The following KCNMA1 variants were observed in gnomAD, a reference collection of about 807,000 sequenced individuals.
KCNMA1 encodes the protein Calcium-activated potassium channel subunit alpha-1.
A neutral mutation model predicts 140.0 loss-of-function variants in KCNMA1; 29 were observed. The ratio of observed to expected loss-of-function variants is 0.21; its 90% confidence interval spans 0.15 to 0.28. KCNMA1 has a LOEUF of 0.28. Among genes scored for constraint, KCNMA1 ranks in the 10% least tolerant of loss-of-function variants. The pLI, the probability that KCNMA1 is intolerant of heterozygous loss-of-function variation, is 1.00. For synonymous variants in KCNMA1, 612 were observed against 611.9 expected (o/e 1.00, Z 0.00); for missense variants, 880 against 1,602.2 (o/e 0.55, Z 7.70).
chr10:77,135,744 C>T (rs183418825), intron 5 of KCNMA1, among the ~76,000 whole-genome samples: 20 of 152,236 alleles, frequency 1.3e-4, no homozygotes, highest in African/African-American at 4.3e-4. Context: ...CACAGAATGA[C>T]AAACATCACG....
At chr10:77,513,361 G>A (rs1407875775) in intron 1 of KCNMA1, among the ~76,000 whole-genome samples, 2 of 152,250 alleles carry the variant, frequency 1.3e-5, no homozygotes, top group East Asian at 1.9e-4. Context: ...ATCATCTCAC[G>A]CTATTGTCTT....
chr10:77,251,355 T>C lies in KCNMA1; in HGVS notation c.541-99A>G, dbSNP rs560918099. 1.4e-5 allele frequency: 12 copies of C among 886,158 alleles called. 1 individual carries two copies. Among genetic ancestry groups the C allele is most frequent in the South Asian group, 9.7e-5 (7 of 71,832 alleles). The allele number at this position is 886,158 out of a possible 1,614,324, so 54.9% of individuals were successfully genotyped here. On this transcript the variant is annotated intron_variant, in intron 2 of 27. Transcript: ENST00000286628. Reference sequence around the variant, plus strand: ...AAGCAGCTTTGAAATACGGTGCCCATTGCCCTTGGGGACCTGCTTGGAAAT... The same window carrying C: ...AAGCAGCTTTGAAATACGGTGCCCACTGCCCTTGGGGACCTGCTTGGAAAT...
intron 2 of KCNMA1, among the ~76,000 whole-genome samples, chr10:77,264,703 TGAG>T (rs1186548534): frequency 6.6e-6 from 1 of 152,180 alleles, no homozygotes; most frequent in Non-Finnish European, 1.5e-5. Flanking sequence ...AATTTATATG[TGAG>T]GAGAACCTTC....
chr10:77,300,673 C>T (rs78858560), intron 2 of KCNMA1, among the ~76,000 whole-genome samples: 132 of 152,236 alleles, frequency 8.7e-4, no homozygotes, highest in Admixed American at 3.2e-3. Context: ...TTTTAATTAC[C>T]ATTTCATGCA....
intron 5 of KCNMA1, among the ~76,000 whole-genome samples, chr10:77,154,561 A>G (rs2098461281): frequency 6.6e-6 from 1 of 152,190 alleles, no homozygotes; most frequent in Non-Finnish European, 1.5e-5. Flanking sequence ...CTTAGTGAGT[A>G]TCTATATCCA....
chr10:77,630,507 C>T (rs1238764540), intron 1 of KCNMA1, among the ~76,000 whole-genome samples: 3 of 152,132 alleles, frequency 2.0e-5, no homozygotes, highest in Non-Finnish European at 4.4e-5. Flanking sequence ...GAGCCCAGCC[C>T]GAACCACAGC....
At chr10:76,964,598 T>C (rs1371512809) in intron 20 of KCNMA1, among the ~76,000 whole-genome samples, 2 of 152,188 alleles carry the variant, frequency 1.3e-5, no homozygotes, top group African/African-American at 4.8e-5. Flanking sequence ...TTAGCTAAGC[T>C]GTCCCTGCCT....
At chr10:77,441,925 C>G (rs535243474) in intron 1 of KCNMA1, among the ~76,000 whole-genome samples, 2 of 152,224 alleles carry the variant, frequency 1.3e-5, no homozygotes, top group Admixed American at 1.3e-4. Context: ...TCCCTCCCTC[C>G]AGGCCATTGT....
chr10:77,509,830 T>G (rs1239347013), intron 1 of KCNMA1, among the ~76,000 whole-genome samples: 2 of 152,184 alleles, frequency 1.3e-5, no homozygotes, highest in Non-Finnish European at 2.9e-5. Context: ...GTTATCCACT[T>G]TACTCCTCAA....
downstream of KCNMA1, among the ~76,000 whole-genome samples, chr10:76,883,266 G>T (rs1230138361): frequency 1.3e-5 from 2 of 152,150 alleles, no homozygotes; most frequent in East Asian, 3.8e-4. Context: ...AAGAGGACAA[G>T]GGTAATATAG....
At chr10:77,495,537 G>A (rs2041588974) in intron 1 of KCNMA1, among the ~76,000 whole-genome samples, 1 of 152,198 alleles carries the variant, frequency 6.6e-6, no homozygotes, top group Non-Finnish European at 1.5e-5. Context: ...CGGCCAATGA[G>A]TGCCGTGATT....
chr10:77,079,606 A>AGT, intron 12 of KCNMA1, 56 bp from the exon 13 acceptor site: 1 of 1,212,596 alleles, frequency 8.2e-7, no homozygotes, highest in East Asian at 2.3e-5. Flanking sequence ...GGTGTCTGAC[A>AGT]AAAAGATCAA....
intron 2 of KCNMA1, among the ~76,000 whole-genome samples, chr10:77,261,130 C>T (rs548692845): frequency 1.3e-5 from 2 of 152,172 alleles, no homozygotes; most frequent in South Asian, 4.2e-4. Context: ...TTGTCTCTGT[C>T]CATTTTCAAA....
chr10:77,384,232 G>A (rs1180636852), intron 2 of KCNMA1, among the ~76,000 whole-genome samples: 1 of 152,224 alleles, frequency 6.6e-6, no homozygotes, highest in East Asian at 1.9e-4. Context: ...TTGAGAACAT[G>A]ACCTCAATGG....
At chr10:77,079,794 C>A in intron 12 of KCNMA1, 1 of 560,616 alleles carries the variant, frequency 1.8e-6, no homozygotes, top group Admixed American at 2.9e-5. Flanking sequence ...ATTGCCATGG[C>A]AACACCCAGG....
chr10:77,257,151 G>A (rs2060952290), intron 2 of KCNMA1, among the ~76,000 whole-genome samples: 1 of 152,136 alleles, frequency 6.6e-6, no homozygotes, highest in Non-Finnish European at 1.5e-5. Flanking sequence ...GAACTCCCAA[G>A]GCAAAACAAT....
chr10:77,563,805 T>C (rs1381289356), intron 1 of KCNMA1, among the ~76,000 whole-genome samples: 1 of 152,160 alleles, frequency 6.6e-6, no homozygotes, highest in African/African-American at 2.4e-5. Context: ...CATGCATCCA[T>C]CCTTCTGTGG....
intron 9 of KCNMA1, among the ~76,000 whole-genome samples, chr10:77,106,645 G>A (rs192824134): frequency 1.2e-4 from 19 of 152,284 alleles, no homozygotes; most frequent in South Asian, 1.2e-3. Context: ...AAATGCTGGC[G>A]GAGACGTCAG....
intron 2 of KCNMA1, among the ~76,000 whole-genome samples, chr10:77,323,166 C>T (rs2082863489): frequency 6.6e-6 from 1 of 152,150 alleles, no homozygotes; most frequent in African/African-American, 2.4e-5. Flanking sequence ...CTGTCACCTT[C>T]CAGTAGGGAC....
Sources: gnomAD v4.1 joint callset for allele counts (sites outside exome capture counted in the v4.1 genomes callset) on GRCh38, gnomAD v4.1.1 for gene constraint, MANE v1.5 for transcripts, NCBI Gene and HGNC (gene_info 2026-07-23, HGNC 2026-07-21) for gene names.